Variants in GPC5 observed in about 807,000 individuals in gnomAD.
GPC5 encodes glypican-5.
In GPC5, 47 loss-of-function variants were observed where a neutral mutation model predicts 53.9. That is an observed-to-expected ratio of 0.87 (90% CI 0.69 to 1.11). GPC5 has a LOEUF of 1.11. Among genes scored for constraint, GPC5 ranks in the 50% most tolerant of loss-of-function variants. The pLI is 0.00. For synonymous variants in GPC5, 286 were observed against 263.3 expected, an observed-to-expected ratio of 1.09 and a Z score of -0.84; for missense variants, 748 against 713.1, an observed-to-expected ratio of 1.05 and a Z score of -0.56.
intron 6 of GPC5, among the ~76,000 whole-genome samples, chr13:91,916,614 C>T (rs1342529359): frequency 2.0e-5 from 3 of 152,124 alleles, no homozygotes; most frequent in Non-Finnish European, 4.4e-5. Flanking sequence ...GGTTTGTTCT[C>T]AGGCTGCTGT....
intron 7 of GPC5, chr13:92,446,854 G>A (rs1445983536): frequency 6.6e-6 from 1 of 151,626 alleles, no homozygotes; most frequent in Non-Finnish European, 1.5e-5. Flanking sequence ...TCTCATTGCA[G>A]TTTTGATTTG....
At chr13:91,673,342 T>A (rs1400246836) in intron 2 of GPC5, among the ~76,000 whole-genome samples, 1 of 152,164 alleles carries the variant, frequency 6.6e-6, no homozygotes, top group Non-Finnish European at 1.5e-5. Flanking sequence ...ATATATAACA[T>A]TTAAAAAATT....
chr13:92,031,015 C>T (rs2040836861), intron 6 of GPC5, among the ~76,000 whole-genome samples: 1 of 152,010 alleles, frequency 6.6e-6, no homozygotes, highest in African/African-American at 2.4e-5. Context: ...TTTTCATGGC[C>T]TTTTTACAGG....
chr13:91,479,509 T>A (rs1883190111), intron 2 of GPC5, among the ~76,000 whole-genome samples: 1 of 152,134 alleles, frequency 6.6e-6, no homozygotes, highest in African/African-American at 2.4e-5. Context: ...CAGGATCTGG[T>A]AACAAATACT....
chr13:92,704,427 T>C (rs543825478), intron 7 of GPC5, among the ~76,000 whole-genome samples: 2 of 152,160 alleles, frequency 1.3e-5, no homozygotes, highest in African/African-American at 4.8e-5. Context: ...AGGAAAATTA[T>C]GTTTATTAAA....
intron 6 of GPC5, among the ~76,000 whole-genome samples, chr13:92,067,592 G>A (rs1038709590): frequency 5.3e-5 from 8 of 151,948 alleles, no homozygotes; most frequent in Non-Finnish European, 1.0e-4. Context: ...TCTGTACATA[G>A]GAAGATATTT....
At chr13:92,348,771 T>C (rs749112487) in intron 7 of GPC5, among the ~76,000 whole-genome samples, 2 of 152,060 alleles carry the variant, frequency 1.3e-5, no homozygotes, top group Non-Finnish European at 2.9e-5. Flanking sequence ...TAATGAGGAA[T>C]TTCAAAAAAC....
intron 7 of GPC5, among the ~76,000 whole-genome samples, chr13:92,854,104 T>C (rs1878905337): frequency 6.6e-6 from 1 of 151,650 alleles, no homozygotes. Flanking sequence ...TATTTCCTTT[T>C]TGCCTTAATA....
chr13:91,720,398 T>A (rs2036438103), intron 3 of GPC5, among the ~76,000 whole-genome samples: 1 of 152,158 alleles, frequency 6.6e-6, no homozygotes, highest in African/African-American at 2.4e-5. Context: ...TCATTTAATC[T>A]TTAAAAACAA....
chr13:91,993,198 A>G (rs2040472803), intron 6 of GPC5, among the ~76,000 whole-genome samples: 1 of 152,178 alleles, frequency 6.6e-6, no homozygotes, highest in African/African-American at 2.4e-5. Flanking sequence ...GCTCTGTTGG[A>G]TGCCTTTATT....
At chr13:92,122,921 A>G (rs2041662660) in intron 6 of GPC5, among the ~76,000 whole-genome samples, 2 of 151,922 alleles carry the variant, frequency 1.3e-5, no homozygotes, top group African/African-American at 4.8e-5. Flanking sequence ...TTTGCTTACT[A>G]TTTTTCACAC....
At chr13:91,722,109 A>C (rs1288208343) in intron 3 of GPC5, among the ~76,000 whole-genome samples, 2 of 152,210 alleles carry the variant, frequency 1.3e-5, no homozygotes, top group Non-Finnish European at 2.9e-5. Flanking sequence ...CAGTCTTTGA[A>C]CTTCTTAAAC....
intron 7 of GPC5, among the ~76,000 whole-genome samples, chr13:92,226,511 C>T (rs193027950): frequency 6.6e-6 from 1 of 152,064 alleles, no homozygotes; most frequent in East Asian, 1.9e-4. Flanking sequence ...TCCTGAAAAG[C>T]ACACAAAAAT....
chr13:92,160,207 C>G (rs192429492), intron 7 of GPC5, among the ~76,000 whole-genome samples: 10 of 152,282 alleles, frequency 6.6e-5, no homozygotes, highest in Non-Finnish European at 1.5e-4. Context: ...TATCTATGTT[C>G]TTTTACATCC....
intron 7 of GPC5, among the ~76,000 whole-genome samples, chr13:92,660,949 T>A (rs1886321157): frequency 6.6e-6 from 1 of 152,084 alleles, no homozygotes; most frequent in African/African-American, 2.4e-5. Flanking sequence ...ACTTTTATAT[T>A]AGATAGAAGT....
At chr13:91,582,386 A>G (rs1236150979) in intron 2 of GPC5, among the ~76,000 whole-genome samples, 2 of 152,180 alleles carry the variant, frequency 1.3e-5, no homozygotes, top group Non-Finnish European at 2.9e-5. Context: ...TTAATTTTCC[A>G]TATAAAACAG....
chr13:92,010,343 T>A (rs745312147), intron 6 of GPC5, among the ~76,000 whole-genome samples: 1 of 152,246 alleles, frequency 6.6e-6, no homozygotes, highest in African/African-American at 2.4e-5. Context: ...TTTTCTAATA[T>A]GTAGGACAGT....
At chr13:92,758,518 A>G (rs11618897) in intron 7 of GPC5, among the ~76,000 whole-genome samples, 3 of 152,112 alleles carry the variant, frequency 2.0e-5, no homozygotes, top group African/African-American at 7.2e-5. Context: ...AGTATGTGGG[A>G]AAAAATGTGT....
chr13:92,648,137 T>C (rs1258266232), intron 7 of GPC5, among the ~76,000 whole-genome samples: 1 of 152,082 alleles, frequency 6.6e-6, no homozygotes, highest in African/African-American at 2.4e-5. Context: ...AATCTTCACT[T>C]CATTATTTTT....
Sources: gnomAD v4.1 joint callset for allele counts (sites outside exome capture counted in the v4.1 genomes callset) on GRCh38, gnomAD v4.1.1 for gene constraint, MANE v1.5 for transcripts, NCBI Gene and HGNC (gene_info 2026-07-23, HGNC 2026-07-21) for gene names.